The following WDR64 variants were observed in gnomAD, a reference collection of about 807,000 sequenced individuals.
WDR64 encodes the protein WD repeat-containing protein 64.
WDR64 carries 112 observed loss-of-function variants against 139.3 expected under a neutral mutation model. The ratio of observed to expected loss-of-function variants is 0.80; its 90% CI spans 0.69 to 0.94. The LOEUF is 0.94. WDR64 is among the 40% of genes least tolerant of loss of function. The pLI, the probability that WDR64 is intolerant of heterozygous loss-of-function variation, is 0.00. For synonymous variants in WDR64, 444 were observed against 437.7 expected (o/e 1.01, Z -0.18); for missense variants, 1,206 against 1,293.1 (o/e 0.93, Z 1.03).
At chr1:241,792,978 G>C (rs1659251692) in intron 25 of WDR64, among the ~76,000 whole-genome samples, 1 of 152,184 alleles carries the variant, frequency 6.6e-6, no homozygotes, top group African/African-American at 2.4e-5. Context: ...AGCAGCCTAA[G>C]TGCTCATCAA....
chr1:241,674,261 C>CTTT (rs553930996), intron 3 of WDR64, among the ~76,000 whole-genome samples: 3 of 133,572 alleles, frequency 2.2e-5, no homozygotes, highest in South Asian at 2.3e-4. Flanking sequence ...TTTTTCTTTT[C>CTTT]TTTTTTTTTT....
intron 8 of WDR64, among the ~76,000 whole-genome samples, chr1:241,699,786 G>C (rs933399093): frequency 2.0e-5 from 3 of 152,182 alleles, no homozygotes; most frequent in African/African-American, 7.2e-5. Context: ...AATATAATTG[G>C]AGAACTGAGT....
chr1:241,711,228 C>T (rs1369066543), intron 8 of WDR64, among the ~76,000 whole-genome samples: 1 of 104,996 alleles, frequency 9.5e-6, no homozygotes, highest in Admixed American at 1.0e-4. Context: ...CAAAACGAGA[C>T]CTTGTCTCAA....
intron 7 of WDR64, among the ~76,000 whole-genome samples, chr1:241,687,165 A>C (rs993134226): frequency 6.6e-6 from 1 of 152,056 alleles, no homozygotes; most frequent in Non-Finnish European, 1.5e-5. Context: ...TTAGCTGGGC[A>C]TGGAGGTGCA....
chr1:241,773,277 A>G (rs992258447), intron 20 of WDR64, among the ~76,000 whole-genome samples: 3 of 152,226 alleles, frequency 2.0e-5, no homozygotes, highest in Admixed American at 2.0e-4. Context: ...TGAGAAAAGA[A>G]TGTTCAACTG....
chr1:241,740,183 T>C (rs933388386), intron 11 of WDR64, among the ~76,000 whole-genome samples: 3 of 152,250 alleles, frequency 2.0e-5, no homozygotes, highest in Non-Finnish European at 4.4e-5. Context: ...AACTCTGGAC[T>C]CCACATTCTT....
At chr1:241,689,848 C>T (rs1250714083) in intron 8 of WDR64, among the ~76,000 whole-genome samples, 2 of 151,490 alleles carry the variant, frequency 1.3e-5, no homozygotes, top group Admixed American at 6.6e-5. Flanking sequence ...GTATACCGGA[C>T]GTAGCTGAGG....
In WDR64 at chr1:241,735,533, C is replaced by CCCTTTTTTTTTTTTTTTTTTTTTTTTTT. The variant is rs1237771842; in HGVS notation, c.1195-2830_1195-2829insCCTTTTTTTTTTTTTTTTTTTTTTTTTT. 1.1e-4 allele frequency among the ~76,000 whole-genome samples: 11 copies of CCCTTTTTTTTTTTTTTTTTTTTTTTTTT among 103,494 alleles called. 2 individuals carry two copies. The highest frequency in any genetic ancestry group is 1.5e-4 in the African/African-American group (4 of 26,332). 67.9% of individuals were successfully genotyped at this position (103,494 alleles called of 152,430 possible). A position where few individuals can be genotyped will look rare whatever the true frequency, so the allele number is the denominator to read the frequency against. On this transcript the variant is annotated intron_variant, in intron 10 of 27. Transcript: ENST00000437684. ...GTTCTCTGTCTCTCTCTCTCTCTCT[C>CCCTTTTTTTTTTTTTTTTTTTTTTTTTT]TTTTTTTTTTTTTTTTTTTGATACG...
intron 2 of WDR64, among the ~76,000 whole-genome samples, chr1:241,661,970 C>T (rs1414592996): frequency 5.3e-5 from 8 of 152,124 alleles, no homozygotes; most frequent in Admixed American, 2.0e-4. Context: ...GCCTGCAGGC[C>T]TAAAATATTT....
intron 10 of WDR64, among the ~76,000 whole-genome samples, chr1:241,732,156 C>A (rs956936878): frequency 6.6e-6 from 1 of 152,148 alleles, no homozygotes. Context: ...TTCTGACTTT[C>A]CTTTACAATC....
Position 241,801,207 on chromosome 1 carries a change from C to A in WDR64, c.3268C>A (p.Pro1090Thr), listed in dbSNP as rs758047831. ...GGCTTCTTCCTTCTTCCCAGCTATA[C>A]CCAAGTAAGGAGAAAAAATCAGAAA... The part of the protein sequence containing the change: ...NLASSFFPAI[P>T]K The change falls in exon 28 of 28, where the codon CCC (proline) becomes ACC (threonine). Residue 1090 changes from proline (P) to threonine (T), a missense_variant. Pro to Thr is a conservative substitution (Grantham distance 38, BLOSUM62 -1). Coordinates refer to ENST00000437684, the MANE Select transcript of WDR64 (RefSeq NM_001367482.1). 2 of 1,613,200 alleles carry A rather than the reference C, an allele frequency of 1.2e-6. No homozygotes were observed. The highest frequency in any genetic ancestry group is 1.1e-5 in the South Asian group (1 of 90,970).
At chr1:241,711,961 C>T in intron 9 of WDR64, 80 bp downstream of exon 9, 1 of 1,328,164 alleles carries the variant, frequency 7.5e-7, no homozygotes, top group South Asian at 1.3e-5. Flanking sequence ...CTAGGAAGAA[C>T]ACATTAGGGA....
At chr1:241,653,704 C>T (rs992838851) in intron 1 of WDR64, among the ~76,000 whole-genome samples, 12 of 151,946 alleles carry the variant, frequency 7.9e-5, no homozygotes, top group African/African-American at 1.4e-4. Flanking sequence ...CCACCACACC[C>T]GGCTAATTTT....
At chr1:241,795,434 C>A in intron 26 of WDR64, 147 bp downstream of exon 26, 1 of 658,320 alleles carries the variant, frequency 1.5e-6, no homozygotes. Context: ...TGTGCAGTCC[C>A]AGAAAAGTCT....
At chr1:241,794,172 A>C (rs1659289633) in intron 25 of WDR64, among the ~76,000 whole-genome samples, 1 of 123,808 alleles carries the variant, frequency 8.1e-6, no homozygotes, top group African/African-American at 2.8e-5. Flanking sequence ...CAAGAGCAAA[A>C]CTCTGTCTCA....
At chr1:241,654,859 A>G (rs1407273634) in intron 1 of WDR64, among the ~76,000 whole-genome samples, 1 of 152,214 alleles carries the variant, frequency 6.6e-6, no homozygotes, top group Non-Finnish European at 1.5e-5. Flanking sequence ...TCCAGGCTAT[A>G]TGTATAAGGG....
intron 27 of WDR64, among the ~76,000 whole-genome samples, chr1:241,798,518 A>G (rs559646301): frequency 2.8e-4 from 43 of 152,310 alleles, no homozygotes; most frequent in African/African-American, 9.6e-4. Flanking sequence ...GATCACATAA[A>G]ATCAGTAGTT....
Position 241,656,082 on chromosome 1 carries a change from A to G in WDR64, c.145+3453A>G, listed in dbSNP as rs771797748. Among the ~76,000 whole-genome samples the G allele has an allele frequency of 5.9e-5, 9 of 152,156 alleles. No individual in the cohort carries two copies. The highest frequency in any genetic ancestry group is 1.0e-4 in the Non-Finnish European group (7 of 68,024). On this transcript the variant is annotated intron_variant, in intron 1 of 27. Coordinates refer to ENST00000437684, the MANE Select transcript of WDR64 (RefSeq NM_001367482.1). This position sits in a 1 kb window ranked among gnomAD's most constrained non-coding sequence, Gnocchi z 4.3. Reference sequence around the variant, plus strand: ...CACACTGAAAATTTCCTTTCTCTATAGTTTTCAAGATTTGATGAAAACTGC... The same window carrying G: ...CACACTGAAAATTTCCTTTCTCTATGGTTTTCAAGATTTGATGAAAACTGC...
chr1:241,771,187 T>C (rs1435305212), intron 18 of WDR64, among the ~76,000 whole-genome samples: 1 of 152,214 alleles, frequency 6.6e-6, no homozygotes. Flanking sequence ...CTGCAAAAAT[T>C]GTTTTTAAAT....
Sources: allele counts gnomAD v4.1 joint callset (sites outside exome capture counted in the v4.1 genomes callset), GRCh38; gene constraint gnomAD v4.1.1; non-coding constraint Gnocchi (gnomAD v3.1); transcripts MANE v1.5; gene names NCBI Gene and HGNC (gene_info 2026-07-23, HGNC 2026-07-21).